Variants in RIMS2 observed in about 807,000 individuals in gnomAD.
The protein encoded by RIMS2 is regulating synaptic membrane exocytosis protein 2.
In RIMS2, 59 loss-of-function variants were observed where a neutral mutation model predicts 174.4. The observed-to-expected ratio is 0.34, with a 90% confidence interval of 0.27 to 0.42. The LOEUF is 0.42. Ranked by LOEUF, RIMS2 falls within the 10% of genes least tolerant of loss-of-function variation. The pLI, the probability that RIMS2 is intolerant of heterozygous loss-of-function variation, is 1.00. For missense variants in RIMS2, 1,620 were observed against 1,666.3 expected (o/e 0.97, Z 0.48); for synonymous variants, 606 against 572.5 (o/e 1.06, Z -0.84).
chr8:104,119,531 CT>C (rs1222569652), intron 19 of RIMS2, among the ~76,000 whole-genome samples: 4 of 152,108 alleles, frequency 2.6e-5, no homozygotes, highest in African/African-American at 7.2e-5. Context: ...ACCGTATTCT[CT>C]TATTCCTAAG....
chr8:104,025,998 G>T (rs1597346353), intron 19 of RIMS2, among the ~76,000 whole-genome samples: 1 of 116,448 alleles, frequency 8.6e-6, no homozygotes, highest in African/African-American at 2.6e-5. Context: ...AGTACACTCT[G>T]TAATCTTTGC....
At chr8:104,014,690 C>T (rs1461358241) in intron 19 of RIMS2, 75 bp downstream of exon 21, 2 of 805,886 alleles carry the variant, frequency 2.5e-6, no homozygotes, top group East Asian at 2.6e-5. Flanking sequence ...TTCTTATTAC[C>T]TTTGTGTTAA....
intron 19 of RIMS2, among the ~76,000 whole-genome samples, chr8:104,232,706 A>G (rs1563908569): frequency 6.6e-6 from 1 of 152,106 alleles, no homozygotes; most frequent in Non-Finnish European, 1.5e-5. Context: ...TCTGGCCACT[A>G]CCCTCATTGG....
Position 103,766,285 on chromosome 8 carries a change from C to T in RIMS2, c.446C>T (p.Ala149Val), listed in dbSNP as rs201980502. 6.2e-7 allele frequency: 1 copy of T among 1,613,416 alleles called. No homozygotes were observed. Among genetic ancestry groups the T allele is most frequent in the African/African-American group, 1.3e-5 (1 of 74,972 alleles). The change falls in exon 3 of 24, where the codon GCA becomes GTA. Residue 149 changes from alanine to valine, a missense_variant. Coordinates refer to ENST00000504942, the Ensembl canonical transcript of RIMS2. Reference sequence around the variant, plus strand: ...CAAGAAATCCTCACTAAATCAGGAGCATGGTTTTATAATAGTGGATCTAAT... The same window carrying T: ...CAAGAAATCCTCACTAAATCAGGAGTATGGTTTTATAATAGTGGATCTAAT...
rs533165306 is a variant in RIMS2, at chr8:103,611,676, T to C, written c.177-85410T>C. ...GCTACATTGTATGTTATTTGTTACT[T>C]TTTTTTTTCCTGCTTTTAGGATCCT... On this transcript the variant is annotated intron_variant, in intron 1 of 23. Coordinates refer to ENST00000504942, the Ensembl canonical transcript of RIMS2. Among the ~76,000 whole-genome samples, 4 of 148,344 alleles carry C rather than the reference T, an allele frequency of 2.7e-5. No individual in the cohort carries two copies. In the East Asian group the frequency reaches 7.7e-4, roughly 29 times the overall value.
At position 103,730,052 on chromosome 8, in the gene RIMS2, T is replaced by C. The variant is rs74307465; in HGVS notation, c.387+32756T>C. 6.6e-4 allele frequency among the ~76,000 whole-genome samples: 101 copies of C among 152,318 alleles called. 1 individual carries two copies. In the East Asian group the frequency reaches 8.9e-3, roughly 13 times the overall value. On this transcript the variant is annotated intron_variant, in intron 2 of 23. Coordinates refer to ENST00000504942, the Ensembl canonical transcript of RIMS2. ...GGATGCAGGCAGTGTTCTGTAATTATCTATTAGGTCCATTTGGACTATACT... is the reference window on the plus strand; with the variant it reads ...GGATGCAGGCAGTGTTCTGTAATTACCTATTAGGTCCATTTGGACTATACT...
chr8:104,008,620 T>A (rs150360295), intron 17 of RIMS2, among the ~76,000 whole-genome samples: 25 of 152,028 alleles, frequency 1.6e-4, no homozygotes, highest in African/African-American at 5.8e-4. Context: ...ATGAATATAT[T>A]TTTTAAATAC....
chr8:103,868,342 G>A (rs1278849149), intron 3 of RIMS2, among the ~76,000 whole-genome samples: 1 of 151,854 alleles, frequency 6.6e-6, no homozygotes, highest in Non-Finnish European at 1.5e-5. Flanking sequence ...TGAACGTAAG[G>A]CAATACGTTC....
At chr8:104,065,003 A>G (rs1486997568) in intron 19 of RIMS2, among the ~76,000 whole-genome samples, 1 of 152,092 alleles carries the variant, frequency 6.6e-6, no homozygotes, top group African/African-American at 2.4e-5. Flanking sequence ...AATCTTAGAG[A>G]TTCCTAGATA....
At chr8:103,637,216 G>A (rs950288948) in intron 1 of RIMS2, among the ~76,000 whole-genome samples, 5 of 152,152 alleles carry the variant, frequency 3.3e-5, no homozygotes, top group African/African-American at 1.2e-4. Flanking sequence ...ACTTTGTTCT[G>A]TAGTCTCAAT....
At chr8:103,927,946 T>G (rs2079097697) in intron 11 of RIMS2, 2 of 1,469,772 alleles carry the variant, frequency 1.4e-6, no homozygotes, top group Non-Finnish European at 1.9e-6. Flanking sequence ...TATTTGTATG[T>G]TTTTGGAAAA....
At chr8:104,052,632 C>A (rs1302572242) in intron 19 of RIMS2, among the ~76,000 whole-genome samples, 1 of 152,052 alleles carries the variant, frequency 6.6e-6, no homozygotes, top group Non-Finnish European at 1.5e-5. Flanking sequence ...TGTAGATATT[C>A]ATTGATAATG....
intron 10 of RIMS2, chr8:103,927,752 G>A (rs2079058662): frequency 1.3e-6 from 1 of 799,758 alleles, no homozygotes; most frequent in East Asian, 2.6e-5. Context: ...ATAGTTGTAT[G>A]TGTTTGTTTT....
At chr8:103,738,616 T>G (rs2097718093) in intron 2 of RIMS2, among the ~76,000 whole-genome samples, 1 of 151,824 alleles carries the variant, frequency 6.6e-6, no homozygotes, top group Non-Finnish European at 1.5e-5. Flanking sequence ...TGGGAGAAAA[T>G]TTTTGCAATC....
At chr8:103,716,151 G>T (rs566573920) in intron 2 of RIMS2, among the ~76,000 whole-genome samples, 158 bp from the exon 5 acceptor site, 36 of 152,006 alleles carry the variant, frequency 2.4e-4, no homozygotes, top group Non-Finnish European at 3.8e-4. Flanking sequence ...TAGAATTTTA[G>T]ATTTCAGTCA....
intron 1 of RIMS2, among the ~76,000 whole-genome samples, chr8:103,529,576 G>A (rs1008461545): frequency 3.3e-5 from 5 of 152,214 alleles, no homozygotes; most frequent in Non-Finnish European, 5.9e-5. Context: ...TCTGCTTCCC[G>A]GGTGAGGCGA....
chr8:103,668,991 T>C (rs2096710617), intron 1 of RIMS2, among the ~76,000 whole-genome samples: 1 of 152,200 alleles, frequency 6.6e-6, no homozygotes, highest in Non-Finnish European at 1.5e-5. Flanking sequence ...CATTGTTTTC[T>C]AGATGGATTA....
chr8:104,208,677 T>C (rs1439247850), intron 19 of RIMS2, among the ~76,000 whole-genome samples: 1 of 151,850 alleles, frequency 6.6e-6, no homozygotes, highest in Non-Finnish European at 1.5e-5. Context: ...TTAGAGTAAA[T>C]AGCAGGAACC....
At chr8:103,994,593 A>T in intron 17 of RIMS2, among the ~76,000 whole-genome samples, 1 of 152,144 alleles carries the variant, frequency 6.6e-6, no homozygotes, top group East Asian at 1.9e-4. Context: ...GGAGAAGTGT[A>T]ATATGTTTTA....
Sources: allele counts gnomAD v4.1 joint callset (sites outside exome capture counted in the v4.1 genomes callset), GRCh38; gene constraint gnomAD v4.1.1; transcripts MANE v1.5; gene names NCBI Gene and HGNC (gene_info 2026-07-23, HGNC 2026-07-21).